The following CUL4A variants were observed in gnomAD, a reference collection of about 807,000 sequenced individuals.
CUL4A encodes cullin 4A.
A neutral mutation model predicts 95.5 loss-of-function variants in CUL4A; 16 were observed. That is an observed-to-expected ratio of 0.17 (90% CI 0.11 to 0.25). CUL4A has a LOEUF of 0.25. Among genes scored for constraint, CUL4A ranks in the 10% least tolerant of loss-of-function variants. The pLI is 1.00. For missense variants in CUL4A, 610 were observed against 937.0 expected (o/e 0.65, Z 4.56); for synonymous variants, 380 against 353.1 (o/e 1.08, Z -0.85).
rs150151004 is a variant in CUL4A at position 113,263,290 on chromosome 13, T to A, written c.2185-197T>A. 3.7e-3 allele frequency among the ~76,000 whole-genome samples: 561 copies of A among 152,364 alleles called. 1 individual carries two copies. Among genetic ancestry groups the A allele is most frequent in the Middle Eastern group, 0.017 (5 of 294 alleles). The stretch of plus-strand genomic sequence containing the variant: ...CGCTTTTTTTATCAAGAGATAACGT[T>A]AACTTTGTCTTTAAAATAGAAAGTT... On this transcript the variant is annotated intron_variant, in intron 19 of 19. Transcript: ENST00000375440.
chr13:113,245,857 A>G lies in CUL4A; in HGVS notation c.1531-99A>G, dbSNP rs566843118. The G allele has an allele frequency of 6.2e-5, 57 of 917,844 alleles. No individual in the cohort carries two copies. The South Asian group carries it at 8.9e-4, about 14-fold the overall frequency. The allele number at this position is 917,844 out of a possible 1,614,324, so 56.9% of individuals were successfully genotyped here. On this transcript the variant is annotated intron_variant, in intron 14 of 19. Transcript: ENST00000375440. ...GGGACTGAGATAAATTCTAACACAGATGAAACTTTATATTGAAAATTACAC... is the reference window on the plus strand; with the variant it reads ...GGGACTGAGATAAATTCTAACACAGGTGAAACTTTATATTGAAAATTACAC...
chr13:113,248,144 C>A (rs1032852389), intron 15 of CUL4A, among the ~76,000 whole-genome samples: 46 of 152,112 alleles, frequency 3.0e-4, no homozygotes, highest in Admixed American at 4.6e-4. Context: ...ACTAAGTAAT[C>A]TGTGAGGAGA....
chr13:113,238,322 A>G (rs1255835636), intron 9 of CUL4A, among the ~76,000 whole-genome samples: 3 of 152,188 alleles, frequency 2.0e-5, no homozygotes, highest in Non-Finnish European at 1.5e-5. Context: ...CAGGTGGTGC[A>G]TGCCTAGGGT....
chr13:113,213,488 C>A (rs79107530), intron 2 of CUL4A, among the ~76,000 whole-genome samples: 3 of 152,080 alleles, frequency 2.0e-5, no homozygotes, highest in Non-Finnish European at 2.9e-5. Flanking sequence ...TGACTAGAAA[C>A]GAGTCCCACC....
rs1001689595 is a variant in CUL4A at position 113,264,930 on chromosome 13, A to G, written c.*1348A>G. The G allele has an allele frequency of 4.5e-5, 5 of 111,562 alleles. No homozygotes were observed. The highest frequency in any genetic ancestry group is 9.2e-5 in the Non-Finnish European group (5 of 54,592). The allele number at this position is 111,562 out of a possible 1,614,324, so 6.9% of individuals were successfully genotyped here. On this transcript the variant is annotated 3_prime_UTR_variant, in exon 20 of 20. Transcript: ENST00000375440. ...AGTTCCATGATATGTGGTCTAAGAA[A>G]GACCAAACAGATTTCTATTTTTTTT...
chr13:113,208,463 TG>T (rs1476831407), upstream of CUL4A: 17 of 1,527,816 alleles, frequency 1.1e-5, no homozygotes, highest in Admixed American at 5.9e-5. Context: ...CTCGCGCGGC[TG>T]CCCGCCGGGG....
chr13:113,259,042 T>C (rs1240956980), intron 18 of CUL4A, among the ~76,000 whole-genome samples: 2 of 152,242 alleles, frequency 1.3e-5, no homozygotes, highest in East Asian at 1.9e-4. Flanking sequence ...TTTATCAGAA[T>C]GTATGTATTA....
At chr13:113,224,913 C>T (rs142850911) in intron 3 of CUL4A, among the ~76,000 whole-genome samples, 191 of 152,258 alleles carry the variant, frequency 1.3e-3, no homozygotes, top group African/African-American at 4.3e-3. Flanking sequence ...GCGGTCTGTC[C>T]GGTCTGTCGG....
rs190992222 is a variant in CUL4A at position 113,230,009 on chromosome 13, C to T, written c.512+490C>T. ...GGGTTCTGGGGCCTTTCCTCAGCAG[C>T]GTTCGCGGCCACGGACCCCACATGT... On this transcript the variant is annotated intron_variant, in intron 5 of 19. Transcript: ENST00000375440. 1.0e-4 allele frequency: 27 copies of T among 259,892 alleles called. No individual in the cohort carries two copies. The East Asian group carries it at 1.4e-3, about 13-fold the overall frequency. The allele number at this position is 259,892 out of a possible 1,614,324, so 16.1% of individuals were successfully genotyped here. A position where few individuals can be genotyped will look rare whatever the true frequency, so the allele number is the denominator to read the frequency against.
chr13:113,222,759 G>T (rs2139130863), intron 3 of CUL4A, among the ~76,000 whole-genome samples: 1 of 152,282 alleles, frequency 6.6e-6, no homozygotes, highest in South Asian at 2.1e-4. Flanking sequence ...CAATTAGCCG[G>T]GTGTGTGGTT....
chr13:113,210,031 G>T lies in CUL4A; in HGVS notation c.207G>T (p.Ala69=), dbSNP rs1422577605. 1 of 1,526,658 alleles carries T rather than the reference G, an allele frequency of 6.6e-7. No homozygotes were observed. The highest frequency in any genetic ancestry group is 1.4e-5 in the African/African-American group (1 of 69,576). 94.6% of individuals were successfully genotyped at this position (1,526,658 alleles called of 1,614,324 possible). A position where few individuals can be genotyped will look rare whatever the true frequency, so the allele number is the denominator to read the frequency against. Residue 69 remains alanine (A), a synonymous_variant, in exon 2 of 20, where the codon GCG becomes GCT. Coordinates refer to ENST00000375440, the MANE Select transcript of CUL4A (RefSeq NM_001008895.4). ...TQDTWRKLHE[A]VRAVQSSTSI... The stretch of plus-strand genomic sequence containing the variant: ...ACACGTGGCGGAAGCTGCACGAGGC[G>T]GTGCGGGCCGTGCAGAGCAGCACCT...
At chr13:113,228,543 G>C (rs1398089888) in intron 4 of CUL4A, among the ~76,000 whole-genome samples, 1 of 152,098 alleles carries the variant, frequency 6.6e-6, no homozygotes, top group Non-Finnish European at 1.5e-5. Context: ...GAGACGATGG[G>C]TGTATTTCTT....
At chr13:113,209,916 C>T (rs2040303864) in intron 1 of CUL4A, 57 bp from the exon 2 acceptor site, 5 of 1,360,784 alleles carry the variant, frequency 3.7e-6, no homozygotes, top group Non-Finnish European at 4.8e-6. Context: ...TCGGGGGTGG[C>T]TACGCGGGGC....
intron 13 of CUL4A, 45 bp downstream of exon 13, chr13:113,245,104 C>G: frequency 6.2e-7 from 1 of 1,608,440 alleles, no homozygotes; most frequent in Non-Finnish European, 8.5e-7. Flanking sequence ...CTGAGGGTTG[C>G]TGCCCCGTGT....
At chr13:113,216,243 C>T (rs182769469) in intron 2 of CUL4A, among the ~76,000 whole-genome samples, 154 of 152,304 alleles carry the variant, frequency 1.0e-3, no homozygotes, top group African/African-American at 3.4e-3. Context: ...CATGGCCTTC[C>T]TTGTTCTGTC....
chr13:113,258,272 T>G (rs1015555639), intron 18 of CUL4A, among the ~76,000 whole-genome samples: 3 of 152,210 alleles, frequency 2.0e-5, no homozygotes, highest in African/African-American at 7.2e-5. Flanking sequence ...ATTACAGCCG[T>G]GAGCCACCGT....
chr13:113,209,002 C>A, upstream of CUL4A: 5 of 890,918 alleles, frequency 5.6e-6, no homozygotes, highest in Non-Finnish European at 5.4e-6. Flanking sequence ...ACCCTCCGCG[C>A]CTGGCTGGGC....
At chr13:113,262,499 T>C (rs987474857) in intron 19 of CUL4A, among the ~76,000 whole-genome samples, 28 of 152,000 alleles carry the variant, frequency 1.8e-4, no homozygotes, top group Admixed American at 1.3e-4. Context: ...AAAAATAAAA[T>C]TAGCCAGGCA....
intron 2 of CUL4A, among the ~76,000 whole-genome samples, chr13:113,212,774 G>C (rs2139075468): frequency 6.6e-6 from 1 of 152,328 alleles, no homozygotes. Context: ...AACAGAGTGA[G>C]ACTCCATTTC....
Sources: allele counts gnomAD v4.1 joint callset (sites outside exome capture counted in the v4.1 genomes callset), GRCh38; gene constraint gnomAD v4.1.1; transcripts MANE v1.5; gene names NCBI Gene and HGNC (gene_info 2026-07-23, HGNC 2026-07-21).